The following C10orf90 variants were observed in gnomAD, a reference collection of about 807,000 sequenced individuals.
The protein encoded by C10orf90 is (E2-independent) E3 ubiquitin-conjugating enzyme FATS.
A neutral mutation model predicts 62.5 loss-of-function variants in C10orf90; 56 were observed. That is an observed-to-expected ratio of 0.90 (90% CI 0.72 to 1.12). The LOEUF (loss-of-function observed/expected upper bound fraction) is 1.12, where lower values mean the gene tolerates loss of function less well. C10orf90 is among the 50% of genes most tolerant of loss of function. The probability of loss-of-function intolerance (pLI) is 0.00; values close to 1 mark genes in which losing one functional copy is unlikely to be tolerated. For synonymous variants in C10orf90, 386 were observed against 340.4 expected (o/e 1.13, Z -1.47); for missense variants, 970 against 880.4 (o/e 1.10, Z -1.29).
chr10:126,438,753 G>T (rs1456489562), intron 7 of C10orf90, among the ~76,000 whole-genome samples: 2 of 7,036 alleles, frequency 2.8e-4, no homozygotes, highest in African/African-American at 1.2e-3. Context: ...TATGTATGTT[G>T]TGTGTGTGTG....
At position 126,508,772 on chromosome 10, in the gene C10orf90, G is replaced by C. The variant is rs147835645; in HGVS notation, c.406-3687C>G. ...CAAGGAGAAAACAGGGGTGGTTCTC[G>C]GGCGGGGGCCTCCAGGCTTCCTCGT... is the stretch of plus-strand genomic sequence containing the variant. On this transcript the variant is annotated intron_variant, in intron 3 of 9. Transcript: ENST00000488181. Among the ~76,000 whole-genome samples the C allele has an allele frequency of 6.9e-3, 1,044 of 152,272 alleles. 11 individuals are homozygous for C. The highest frequency in any genetic ancestry group is 0.023 in the African/African-American group (973 of 41,564).
chr10:126,504,360 A>G lies in C10orf90; in HGVS notation c.1131T>C (p.Ile377=). ...SLSVPIEPPQ[I]ASPKMHRSVL... ...CGGATCTGTGCATTTTGGGGCTGGCAATTTGAGGTGGCTCAATGGGGACGG... is the reference window on the plus strand; with the variant it reads ...CGGATCTGTGCATTTTGGGGCTGGCGATTTGAGGTGGCTCAATGGGGACGG... The change falls in exon 4 of 10, where the codon ATT becomes ATC. Residue 377 remains isoleucine (I), a synonymous_variant. Transcript: ENST00000488181. This position sits in a 1 kb window ranked among gnomAD's most constrained non-coding sequence, Gnocchi z 4.1. 1 of 1,614,178 alleles carries G rather than the reference A, an allele frequency of 6.2e-7. No individual in the cohort carries two copies. Among genetic ancestry groups the G allele is most frequent in the South Asian group, 1.1e-5 (1 of 91,084 alleles).
intron 7 of C10orf90, among the ~76,000 whole-genome samples, chr10:126,430,516 A>G (rs1449506682): frequency 1.3e-5 from 2 of 152,214 alleles, no homozygotes; most frequent in Non-Finnish European, 2.9e-5. Context: ...GTTAAAAAAA[A>G]CAGTGTATAT....
rs1484433259 is a variant in C10orf90 at position 126,456,764 on chromosome 10, T to C, written c.2188+2276A>G. ...CATAGAGACACAGACGCAGGGAGGA[T>C]GGCCATGTGGAGACAGAGGCAGAGA... On this transcript the variant is annotated intron_variant, in intron 7 of 9. Coordinates refer to ENST00000488181, the MANE Select transcript of C10orf90 (RefSeq NM_001350921.2). The surrounding 1 kb of genome is among the most constrained non-coding windows in gnomAD (Gnocchi z 4.9). Among the ~76,000 whole-genome samples, 11 of 152,050 alleles carry C rather than the reference T, an allele frequency of 7.2e-5. No individual in the cohort carries two copies.
intron 6 of C10orf90, 120 bp downstream of exon 6, chr10:126,461,281 G>T: frequency 8.6e-7 from 1 of 1,166,354 alleles, no homozygotes; most frequent in Non-Finnish European, 1.2e-6. Context: ...TCACACAGCT[G>T]CTACAAAGTG....
chr10:126,600,354 C>T (rs1262147502), intron 2 of C10orf90, among the ~76,000 whole-genome samples: 2 of 152,188 alleles, frequency 1.3e-5, no homozygotes, highest in Non-Finnish European at 2.9e-5. Context: ...TTATTATCTT[C>T]TCTTGTGGCC....
intron 4 of C10orf90, among the ~76,000 whole-genome samples, chr10:126,477,540 C>T (rs1176718313): frequency 6.6e-6 from 1 of 151,998 alleles, no homozygotes; most frequent in African/African-American, 2.4e-5. Context: ...TTTCAGGAAG[C>T]TGGTCTTTAG....
In C10orf90 at chr10:126,474,766, G is replaced by A. The variant is rs568727065; in HGVS notation, c.1535-9780C>T. 2.0e-4 allele frequency among the ~76,000 whole-genome samples: 30 copies of A among 152,296 alleles called. No individual in the cohort carries two copies. The South Asian group carries it at 2.3e-3, about 12-fold the overall frequency. ...TGGCTTGTAAAACAAGGGAACTTTGGCAACGCCTGACAAAGCCACATCTGA... is the reference window on the plus strand; with the variant it reads ...TGGCTTGTAAAACAAGGGAACTTTGACAACGCCTGACAAAGCCACATCTGA... On this transcript the variant is annotated intron_variant, in intron 4 of 9. Transcript: ENST00000488181.
chr10:126,465,917 G>A (rs1860256301), intron 4 of C10orf90, among the ~76,000 whole-genome samples: 1 of 152,186 alleles, frequency 6.6e-6, no homozygotes, highest in African/African-American at 2.4e-5. Flanking sequence ...TTTAGACTCA[G>A]AAATCTCTCA....
At chr10:126,568,878 A>G (rs1844446979) in intron 2 of C10orf90, among the ~76,000 whole-genome samples, 2 of 152,108 alleles carry the variant, frequency 1.3e-5, no homozygotes, top group African/African-American at 2.4e-5. Flanking sequence ...TTAGGGCATG[A>G]GGATCTTAAG....
chr10:126,598,654 G>GGT lies in C10orf90; in HGVS notation c.313+47909_313+47910dup, dbSNP rs1365633758. On this transcript the variant is annotated intron_variant, in intron 2 of 9. Transcript: ENST00000488181. Reference sequence around the variant, plus strand: ...GGAGTACACCGTTTCACTTGCAGTTGGTGTGTGAGCTGCTCTTTAGGAAGG... The same window carrying GGT: ...GGAGTACACCGTTTCACTTGCAGTTGGTGTGTGTGAGCTGCTCTTTAGGAAGG... Among the ~76,000 whole-genome samples the GGT allele has an allele frequency of 3.9e-5, 6 of 152,260 alleles. No homozygotes were observed. The South Asian group carries it at 1.2e-3, about 32-fold the overall frequency.
chr10:126,503,090 A>G (rs60875364), intron 4 of C10orf90, among the ~76,000 whole-genome samples: 20,555 of 152,238 alleles, frequency 0.14, 2,623 homozygotes, highest in African/African-American at 0.34. Context: ...ATCTTTAAAT[A>G]CTTTTTTCCA....
intron 4 of C10orf90, among the ~76,000 whole-genome samples, chr10:126,477,836 C>CAT (rs1442587722): frequency 6.6e-6 from 1 of 152,166 alleles, no homozygotes; most frequent in East Asian, 1.9e-4. Flanking sequence ...ATGGCATAAA[C>CAT]ATATCTGTAA....
chr10:126,495,456 G>A (rs1300139342), intron 4 of C10orf90, among the ~76,000 whole-genome samples: 1 of 152,202 alleles, frequency 6.6e-6, no homozygotes, highest in East Asian at 1.9e-4. Flanking sequence ...GCAGTACTTT[G>A]TTTGCAGTAA....
intron 2 of C10orf90, among the ~76,000 whole-genome samples, chr10:126,612,124 C>G (rs1337422132): frequency 6.6e-6 from 1 of 152,160 alleles, no homozygotes; most frequent in Non-Finnish European, 1.5e-5. Flanking sequence ...AGTTTAAGAC[C>G]AGCCTGACCA....
At chr10:126,573,745 C>A (rs1269875609) in intron 2 of C10orf90, among the ~76,000 whole-genome samples, 1 of 152,154 alleles carries the variant, frequency 6.6e-6, no homozygotes, top group East Asian at 1.9e-4. Flanking sequence ...CTGTTGTTTC[C>A]CTGACTGATC....
At chr10:126,574,625 A>G (rs183030149) in intron 2 of C10orf90, among the ~76,000 whole-genome samples, 3 of 152,096 alleles carry the variant, frequency 2.0e-5, no homozygotes, top group South Asian at 2.1e-4. Flanking sequence ...AAATCAATCA[A>G]TGCAATATAC....
intron 4 of C10orf90, among the ~76,000 whole-genome samples, chr10:126,474,984 G>A (rs987358865): frequency 6.6e-5 from 10 of 152,268 alleles, no homozygotes; most frequent in Non-Finnish European, 1.2e-4. Flanking sequence ...TTCCATAGAA[G>A]GAATGGACAT....
intron 7 of C10orf90, among the ~76,000 whole-genome samples, chr10:126,445,805 G>GCA (rs1554886859): frequency 9.9e-6 from 1 of 100,732 alleles, no homozygotes; most frequent in African/African-American, 3.9e-5. Context: ...AAACTGTGGT[G>GCA]TATATATATA....
Sources: gnomAD v4.1 joint callset for allele counts (sites outside exome capture counted in the v4.1 genomes callset) on GRCh38, gnomAD v4.1.1 for gene constraint, Gnocchi (gnomAD v3.1) non-coding constraint, MANE v1.5 for transcripts, NCBI Gene and HGNC (gene_info 2026-07-23, HGNC 2026-07-21) for gene names.